ZFR: variants seen among roughly 807,000 people sequenced by gnomAD.
The protein encoded by ZFR is zinc finger RNA binding protein.
ZFR carries 19 observed loss-of-function variants against 130.7 expected under a neutral mutation model. The observed-to-expected ratio is 0.15, with a 90% CI of 0.10 to 0.21. The LOEUF (loss-of-function observed/expected upper bound fraction) is 0.21, where lower values mean the gene tolerates loss of function less well. Ranked by LOEUF, ZFR falls within the 10% of genes least tolerant of loss-of-function variation. ZFR has a pLI of 1.00. For missense variants in ZFR, 872 were observed against 1,321.5 expected (o/e 0.66, Z 5.27); for synonymous variants, 466 against 456.9 (o/e 1.02, Z -0.25).
Position 32,406,851 on chromosome 5 carries a change from G to A in ZFR, c.955C>T (p.Leu319=), listed in dbSNP as rs909709944. 52 of 1,613,958 alleles carry A rather than the reference G, an allele frequency of 3.2e-5. No individual in the cohort carries two copies. Among genetic ancestry groups the A allele is most frequent in the Non-Finnish European group, 4.2e-5 (49 of 1,179,992 alleles). Residue 319 remains leucine, a synonymous_variant, in exon 6 of 20, where the codon CTG becomes TTG. Transcript: ENST00000265069. ...TKKAPFQNKQ[L]KPKQPPKPPQ... is the part of the protein sequence containing the mutation. ...GGTTTGGGAGGCTGTTTTGGTTTCA[G>A]TTGTTTATTTTGGAATGGTGCTTTT...
At chr5:32,393,094 C>G (rs999336153) in intron 11 of ZFR, among the ~76,000 whole-genome samples, 2 of 152,156 alleles carry the variant, frequency 1.3e-5, no homozygotes, top group Admixed American at 1.3e-4. Context: ...GTGTTATTCA[C>G]CACATATGAA....
chr5:32,390,391 G>A lies in ZFR; in HGVS notation c.2026C>T (p.His676Tyr). 1 of 1,614,122 alleles carries A rather than the reference G, an allele frequency of 6.2e-7. No homozygotes were observed. Among genetic ancestry groups the A allele is most frequent in the Non-Finnish European group, 8.5e-7 (1 of 1,180,008 alleles). Residue 676 changes from histidine to tyrosine, a missense_variant, in exon 12 of 20, where the codon CAT becomes TAT. This residue lies in a region of ZFR where 225 missense variants were observed against 282.4 expected (regional missense o/e 0.80). Coordinates refer to ENST00000265069, the MANE Select transcript of ZFR (RefSeq NM_016107.5). ...ATTCGGCGGCGATCATCCCAATGATGTTGTTCTTCCTCCATTCTCCTCCAG... is the reference window on the plus strand; with the variant it reads ...ATTCGGCGGCGATCATCCCAATGATATTGTTCTTCCTCCATTCTCCTCCAG... ...MYWRRMEEEQ[H>Y]HWDDRRRMPD...
intron 3 of ZFR, among the ~76,000 whole-genome samples, 162 bp from the exon 4 acceptor site, chr5:32,417,954 T>G (rs1282649874): frequency 1.3e-5 from 2 of 152,156 alleles, no homozygotes; most frequent in South Asian, 2.1e-4. Flanking sequence ...AAGATTCATT[T>G]TGTACTTCAT....
At chr5:32,383,057 A>T (rs1752966299) in intron 15 of ZFR, among the ~76,000 whole-genome samples, 1 of 152,242 alleles carries the variant, frequency 6.6e-6, no homozygotes, top group South Asian at 2.1e-4. Context: ...TTTAAGATTA[A>T]ACGTTAATGG....
At chr5:32,372,726 T>C (rs1752702691) in intron 17 of ZFR, among the ~76,000 whole-genome samples, 1 of 151,902 alleles carries the variant, frequency 6.6e-6, no homozygotes, top group African/African-American at 2.4e-5. Context: ...TCCCAGTTAC[T>C]TGAAAGGCTG....
Position 32,403,892 on chromosome 5 carries a change from A to C in ZFR, c.1224+14T>G. The C allele has an allele frequency of 6.4e-7, 1 of 1,557,736 alleles. No individual in the cohort carries two copies. Among genetic ancestry groups the C allele is most frequent in the Non-Finnish European group, 8.7e-7 (1 of 1,149,750 alleles). The stretch of plus-strand genomic sequence containing the variant: ...GAATCAAGGCATAAGGGTGTGTGGG[A>C]AAAAAACACCTACTTTCTGATGCTT... On this transcript the variant is annotated intron_variant, in intron 7 of 19. Transcript: ENST00000265069.
intron 2 of ZFR, among the ~76,000 whole-genome samples, chr5:32,437,307 G>A (rs1040021006): frequency 3.9e-5 from 6 of 151,926 alleles, no homozygotes; most frequent in Admixed American, 3.3e-4. Context: ...CTGAAAGCAG[G>A]GACTATGCAT....
chr5:32,406,631 C>T (rs1753584692), intron 6 of ZFR, 143 bp downstream of exon 6: 1 of 1,163,540 alleles, frequency 8.6e-7, no homozygotes, highest in Non-Finnish European at 1.1e-6. Flanking sequence ...ATTCTCATGC[C>T]ACAATACAAG....
chr5:32,422,634 A>C (rs560790006), intron 2 of ZFR, among the ~76,000 whole-genome samples: 1 of 151,878 alleles, frequency 6.6e-6, no homozygotes, highest in African/African-American at 2.4e-5. Flanking sequence ...ACATCTCTAC[A>C]GAAAATTTTT....
intron 11 of ZFR, 96 bp downstream of exon 11, chr5:32,395,063 C>A: frequency 1.4e-6 from 2 of 1,404,598 alleles, no homozygotes; most frequent in East Asian, 5.1e-5. Context: ...GTAAATAAAT[C>A]TGGATTGCTT....
chr5:32,378,759 A>G (rs1313938788), intron 17 of ZFR, among the ~76,000 whole-genome samples: 1 of 151,306 alleles, frequency 6.6e-6, no homozygotes, highest in Non-Finnish European at 1.5e-5. Flanking sequence ...AACCACATAC[A>G]TTATTTTAAA....
chr5:32,414,691 G>A (rs77304126), intron 5 of ZFR, among the ~76,000 whole-genome samples: 2 of 151,990 alleles, frequency 1.3e-5, no homozygotes, highest in Non-Finnish European at 2.9e-5. Context: ...TAGAAAACTC[G>A]GTGTTACTTC....
chr5:32,370,949 AT>A (rs1752657952), intron 17 of ZFR, among the ~76,000 whole-genome samples: 1 of 152,260 alleles, frequency 6.6e-6, no homozygotes, highest in Non-Finnish European at 1.5e-5. Flanking sequence ...TGAATGCTAA[AT>A]AAAATTAAAC....
chr5:32,404,136 TTTC>T, intron 6 of ZFR, 39 bp from the exon 7 acceptor site: 6 of 1,523,860 alleles, frequency 3.9e-6, no homozygotes, highest in Non-Finnish European at 5.3e-6. Context: ...CTTCACTAAT[TTTC>T]TTTACACATT....
At chr5:32,372,184 A>C (rs764520021) in intron 17 of ZFR, among the ~76,000 whole-genome samples, 3 of 152,232 alleles carry the variant, frequency 2.0e-5, no homozygotes, top group Non-Finnish European at 4.4e-5. Flanking sequence ...CTCCAATCAT[A>C]TCTCACAGGG....
intron 9 of ZFR, among the ~76,000 whole-genome samples, chr5:32,398,244 A>G (rs1753363431): frequency 6.6e-6 from 1 of 152,204 alleles, no homozygotes; most frequent in Non-Finnish European, 1.5e-5. Context: ...TAGTTACTGA[A>G]TAATTGCTGC....
chr5:32,367,459 ATAAAG>A (rs968532956), intron 17 of ZFR, among the ~76,000 whole-genome samples: 4 of 54,688 alleles, frequency 7.3e-5, no homozygotes, highest in Admixed American at 2.9e-4. Context: ...AAATAAATAA[ATAAAG>A]TAAATAAATA....
intron 15 of ZFR, among the ~76,000 whole-genome samples, chr5:32,382,771 A>T (rs943638971): frequency 6.6e-6 from 1 of 152,142 alleles, no homozygotes; most frequent in Non-Finnish European, 1.5e-5. Context: ...CACCACGCCC[A>T]GCTAATACCT....
intron 19 of ZFR, among the ~76,000 whole-genome samples, chr5:32,361,747 T>C (rs1170554945): frequency 2.6e-5 from 4 of 151,738 alleles, no homozygotes; most frequent in Non-Finnish European, 4.4e-5. Flanking sequence ...GTCTCCCAAG[T>C]AGCCTGGACT....
Sources: gnomAD v4.1 joint callset for allele counts (sites outside exome capture counted in the v4.1 genomes callset) on GRCh38, gnomAD v4.1.1 for gene constraint, gnomAD v4.1.1 regional missense constraint, MANE v1.5 for transcripts, NCBI Gene and HGNC (gene_info 2026-07-23, HGNC 2026-07-21) for gene names.